Variants in CCR3 observed in about 807,000 individuals in gnomAD.
The protein encoded by CCR3 is C-C motif chemokine receptor 3.
For synonymous variants in CCR3, 203 were observed against 179.2 expected (o/e 1.13, Z -1.06); for missense variants, 419 against 437.5 (o/e 0.96, Z 0.38).
At chr3:46,212,471 CT>C (rs1559522410) in intron 2 of CCR3, among the ~76,000 whole-genome samples, 1 of 145,218 alleles carries the variant, frequency 6.9e-6, no homozygotes, top group Non-Finnish European at 1.5e-5. Context: ...CATTTCCCCC[CT>C]CTTGGCCCCC....
Position 46,261,752 on chromosome 3 carries a change from G to C in CCR3, c.-11-3396G>C, listed in dbSNP as rs560204088. Among the ~76,000 whole-genome samples, 4 of 152,284 alleles carry C rather than the reference G, an allele frequency of 2.6e-5. No individual in the cohort carries two copies. The South Asian group carries it at 8.3e-4, about 32-fold the overall frequency. ...TAGTTTGTACTCTTGAGAGTTCCTC[G>C]GTTTGTTCATGGCATGGGCAGGGAG... is the stretch of plus-strand genomic sequence containing the variant. On this transcript the variant is annotated intron_variant, in intron 1 of 1. Coordinates refer to ENST00000395940, the MANE Select transcript of CCR3 (RefSeq NM_178329.3).
At chr3:46,224,538 G>A (rs1699871899) in intron 2 of CCR3, among the ~76,000 whole-genome samples, 1 of 151,782 alleles carries the variant, frequency 6.6e-6, no homozygotes, top group South Asian at 2.1e-4. Context: ...AGGAGTTTGA[G>A]ATATCCTGGC....
intron 2 of CCR3, among the ~76,000 whole-genome samples, chr3:46,229,954 T>C (rs1699943067): frequency 1.3e-5 from 2 of 152,250 alleles, no homozygotes; most frequent in African/African-American, 2.4e-5. Context: ...CCTTATCCCA[T>C]GAGTGGACGC....
chr3:46,261,611 TGGAGCGCTCTCTGCTAAGATGGGGA>T (rs1321213640), intron 1 of CCR3, among the ~76,000 whole-genome samples: 2 of 152,184 alleles, frequency 1.3e-5, no homozygotes, highest in Non-Finnish European at 2.9e-5. Context: ...CTAGGGGGCA[TGGAGCGCTCTCTGCTAAGATGGGGA>T]CCCCCAAGGA....
intron 2 of CCR3, among the ~76,000 whole-genome samples, chr3:46,218,348 A>G (rs1406113017): frequency 6.6e-6 from 1 of 152,078 alleles, no homozygotes; most frequent in Non-Finnish European, 1.5e-5. Context: ...ACAAAAAAAA[A>G]AAGTCTAGGA....
At chr3:46,252,787 C>T (rs1441732539) in intron 1 of CCR3, among the ~76,000 whole-genome samples, 2 of 152,040 alleles carry the variant, frequency 1.3e-5, no homozygotes, top group Non-Finnish European at 2.9e-5. Context: ...TAAATTGGCT[C>T]TTGTGTTTGC....
intron 1 of CCR3, among the ~76,000 whole-genome samples, chr3:46,252,319 G>A (rs1219890416): frequency 6.6e-6 from 1 of 151,580 alleles, no homozygotes; most frequent in East Asian, 1.9e-4. Context: ...GGAATTACAG[G>A]GGTGCACCAC....
intron 1 of CCR3, among the ~76,000 whole-genome samples, chr3:46,247,021 A>T (rs1700208936): frequency 6.6e-6 from 1 of 152,122 alleles, no homozygotes; most frequent in East Asian, 1.9e-4. Flanking sequence ...GAATAAGAGA[A>T]GGAGAAAAAC....
chr3:46,221,648 G>T (rs1474631732), intron 2 of CCR3, among the ~76,000 whole-genome samples: 1 of 152,118 alleles, frequency 6.6e-6, no homozygotes, highest in African/African-American at 2.4e-5. Flanking sequence ...TCTTATTCCT[G>T]TCTTCCTTTT....
chr3:46,250,763 G>A (rs1217417183), intron 1 of CCR3, among the ~76,000 whole-genome samples: 1 of 151,906 alleles, frequency 6.6e-6, no homozygotes, highest in South Asian at 2.1e-4. Flanking sequence ...AGTGAAGGAG[G>A]CAAACCCAGA....
chr3:46,243,094 A>G (rs1160506053), intron 1 of CCR3, among the ~76,000 whole-genome samples: 3 of 151,090 alleles, frequency 2.0e-5, no homozygotes, highest in Non-Finnish European at 2.9e-5. Context: ...ACCAAAATTC[A>G]TAGATGCTCA....
At chr3:46,261,568 C>T (rs1424952860) in intron 1 of CCR3, among the ~76,000 whole-genome samples, 3 of 152,218 alleles carry the variant, frequency 2.0e-5, no homozygotes, top group African/African-American at 7.2e-5. Flanking sequence ...AGGAAGCAGT[C>T]ACACCTGTGG....
Position 46,265,583 on chromosome 3 carries a change from T to C in CCR3, c.425T>C (p.Leu142Pro), listed in dbSNP as rs1281746538. ...YLAIVHAVFA[L>P]RARTVTFGVI... The stretch of plus-strand genomic sequence containing the variant: ...GCCATTGTCCATGCTGTGTTTGCCC[T>C]TCGAGCCCGGACTGTCACTTTTGGT... Residue 142 changes from leucine to proline, a missense_variant, in exon 2 of 2, where the codon CTT becomes CCT. Transcript: ENST00000395940. 4 of 1,614,152 alleles carry C rather than the reference T, an allele frequency of 2.5e-6. No individual in the cohort carries two copies. Among genetic ancestry groups the C allele is most frequent in the Non-Finnish European group, 3.4e-6 (4 of 1,180,004 alleles).
intron 2 of CCR3, among the ~76,000 whole-genome samples, chr3:46,224,283 G>T (rs895992615): frequency 6.6e-6 from 1 of 151,962 alleles, no homozygotes; most frequent in Non-Finnish European, 1.5e-5. Context: ...TGAAAAAAAC[G>T]CAAAACAACA....
chr3:46,242,686 A>C (rs1700105490), intron 1 of CCR3, 148 bp downstream of exon 1: 1 of 151,832 alleles, frequency 6.6e-6, no homozygotes, highest in Non-Finnish European at 1.5e-5. Flanking sequence ...CCAGAGTGGG[A>C]GAAAATATGG....
At chr3:46,240,507 C>CT (rs1700069731), upstream of CCR3, among the ~76,000 whole-genome samples, 2 of 152,144 alleles carry the variant, frequency 1.3e-5, no homozygotes, top group Non-Finnish European at 2.9e-5. Context: ...CTTTCTCTTC[C>CT]ATGAAGCCGT....
chr3:46,265,436 A>G lies in CCR3; in HGVS notation c.278A>G (p.Tyr93Cys), dbSNP rs1575514650. 1.9e-6 allele frequency: 3 copies of G among 1,614,064 alleles called. No homozygotes were observed. Among genetic ancestry groups the G allele is most frequent in the East Asian group, 4.5e-5 (2 of 44,878 alleles). Residue 93 changes from tyrosine (Y) to cysteine (C), a missense_variant, in exon 2 of 2, where the codon TAT becomes TGT. Transcript: ENST00000395940. Reference protein sequence around the residue: ...FLVTLPFWIHYVRGHNWVFGH... With the variant: ...FLVTLPFWIHCVRGHNWVFGH... ...GTCACCCTTCCATTCTGGATCCACT[A>G]TGTCAGGGGGCATAACTGGGTTTTT...
At chr3:46,211,878 T>G (rs1208318787) in intron 2 of CCR3, among the ~76,000 whole-genome samples, 1 of 152,166 alleles carries the variant, frequency 6.6e-6, no homozygotes, top group African/African-American at 2.4e-5. Flanking sequence ...CTATAGCCTC[T>G]CGATGTGGTG....
intron 1 of CCR3, among the ~76,000 whole-genome samples, chr3:46,246,982 T>C (rs13085619): frequency 0.54 from 81,096 of 150,680 alleles, 21,825 homozygotes; most frequent in Middle Eastern, 0.62. Flanking sequence ...GGCCTGGATA[T>C]GGTTTTGTAT....
Sources: allele counts gnomAD v4.1 joint callset (sites outside exome capture counted in the v4.1 genomes callset), GRCh38; gene constraint gnomAD v4.1.1; transcripts MANE v1.5; gene names NCBI Gene and HGNC (gene_info 2026-07-23, HGNC 2026-07-21).